The following PLEKHO2 variants were observed in gnomAD, a reference collection of about 807,000 sequenced individuals.
The protein encoded by PLEKHO2 is pleckstrin homology domain-containing family O member 2.
In PLEKHO2, 20 loss-of-function variants were observed where a neutral mutation model predicts 32.7. The observed-to-expected ratio is 0.61, with a 90% CI of 0.43 to 0.89. PLEKHO2 has a LOEUF of 0.89. Among genes scored for constraint, PLEKHO2 ranks in the 40% least tolerant of loss-of-function variants. The probability of loss-of-function intolerance (pLI) is 0.00; values close to 1 mark genes in which losing one functional copy is unlikely to be tolerated. For synonymous variants in PLEKHO2, 247 were observed against 246.3 expected (o/e 1.00, Z -0.03); for missense variants, 568 against 621.2 (o/e 0.91, Z 0.91).
chr15:64,862,016 G>C (rs1205339602), intron 5 of PLEKHO2, among the ~76,000 whole-genome samples: 4 of 152,178 alleles, frequency 2.6e-5, no homozygotes. Context: ...GCTGACCCTT[G>C]AAGGATGGGA....
Position 64,866,208 on chromosome 15 carries a change from A to T in PLEKHO2, c.*320A>T. On this transcript the variant is annotated 3_prime_UTR_variant, in exon 6 of 6. Coordinates refer to ENST00000323544, the MANE Select transcript of PLEKHO2 (RefSeq NM_025201.5). The stretch of plus-strand genomic sequence containing the variant: ...ACTGCCCCAGGGCTTTGGGGGCGGC[A>T]CTTGGGGTTTCTGGGAATGACATCA... 1 of 484,450 alleles carries T rather than the reference A, an allele frequency of 2.1e-6. No homozygotes were observed. The highest frequency in any genetic ancestry group is 3.9e-6 in the Non-Finnish European group (1 of 254,914). The allele number at this position is 484,450 out of a possible 1,614,324, so 30.0% of individuals were successfully genotyped here.
At chr15:64,855,500 C>G (rs929717194) in intron 3 of PLEKHO2, among the ~76,000 whole-genome samples, 1 of 152,144 alleles carries the variant, frequency 6.6e-6, no homozygotes, top group African/African-American at 2.4e-5. Context: ...GTGGGTGGGC[C>G]CACCCTGGAC....
At position 64,841,942 on chromosome 15, in the gene PLEKHO2, G is replaced by A. The variant is rs1335393690; in HGVS notation, c.-75G>A. 4 of 1,232,652 alleles carry A rather than the reference G, an allele frequency of 3.2e-6. No individual in the cohort carries two copies. The highest frequency in any genetic ancestry group is 4.1e-6 in the Non-Finnish European group (4 of 986,108). The allele number at this position is 1,232,652 out of a possible 1,614,324, so 76.4% of individuals were successfully genotyped here. Reference sequence around the variant, plus strand: ...AACGCGGAGAGTCGCCGCCTGGCCGGGCGTAGACGCGGTGGCAGAGCCCGC... The same window carrying A: ...AACGCGGAGAGTCGCCGCCTGGCCGAGCGTAGACGCGGTGGCAGAGCCCGC... On this transcript the variant is annotated 5_prime_UTR_variant, in exon 1 of 6. Transcript: ENST00000323544.
At chr15:64,846,330 G>A (rs190459009) in intron 1 of PLEKHO2, among the ~76,000 whole-genome samples, 36 of 148,450 alleles carry the variant, frequency 2.4e-4, no homozygotes, top group East Asian at 2.0e-4. Context: ...TTTTTTTTTC[G>A]GAGACAGGGC....
At position 64,849,530 on chromosome 15, in the gene PLEKHO2, G is replaced by A. The variant is rs1481720939; in HGVS notation, c.162+788G>A. Among the ~76,000 whole-genome samples the A allele has an allele frequency of 2.7e-5, 4 of 148,542 alleles. No individual in the cohort carries two copies. In the East Asian group the frequency reaches 6.1e-4, roughly 23 times the overall value. Reference sequence around the variant, plus strand: ...ACGATCTCAGCTCACTGCAACTGCCGCCTCCCAGGTTCAAACAATTCTCCT... The same window carrying A: ...ACGATCTCAGCTCACTGCAACTGCCACCTCCCAGGTTCAAACAATTCTCCT... On this transcript the variant is annotated intron_variant, in intron 2 of 5. Transcript: ENST00000323544.
rs577341428 is a variant in PLEKHO2, at chr15:64,863,928, A to G, written c.484-971A>G. Among the ~76,000 whole-genome samples the G allele has an allele frequency of 5.1e-3, 778 of 152,218 alleles. 4 individuals are homozygous for G. Among genetic ancestry groups the G allele is most frequent in the Non-Finnish European group, 7.9e-3 (535 of 68,008 alleles). The stretch of plus-strand genomic sequence containing the variant: ...CTGGCTAATTTTGTATTTTTAGTAG[A>G]GACGGGGTTTCTCCATGTTGCTCAG... On this transcript the variant is annotated intron_variant, in intron 5 of 5. Transcript: ENST00000323544.
In PLEKHO2 at chr15:64,866,534, C is replaced by CT; in HGVS notation, c.*652dup. ...GCCTCTCTCTCTTTGGCCCTGTTTC[C>CT]TTTTTTGCAAAACAAGGACATTTTC... is the stretch of plus-strand genomic sequence containing the variant. On this transcript the variant is annotated 3_prime_UTR_variant, in exon 6 of 6. Transcript: ENST00000323544. 5.4e-6 allele frequency: 2 copies of CT among 373,306 alleles called. No individual in the cohort carries two copies. The highest frequency in any genetic ancestry group is 6.9e-5 in the Admixed American group (2 of 29,048). The allele number at this position is 373,306 out of a possible 1,614,324, so 23.1% of individuals were successfully genotyped here.
At chr15:64,843,691 C>T (rs1041579579) in intron 1 of PLEKHO2, among the ~76,000 whole-genome samples, 4 of 151,934 alleles carry the variant, frequency 2.6e-5, no homozygotes, top group Non-Finnish European at 5.9e-5. Flanking sequence ...AGCAATTCTC[C>T]TGCCTCAGCC....
chr15:64,850,574 T>C (rs1027417047), intron 2 of PLEKHO2, among the ~76,000 whole-genome samples: 1 of 152,172 alleles, frequency 6.6e-6, no homozygotes, highest in Non-Finnish European at 1.5e-5. Flanking sequence ...GCAGATTGCC[T>C]CTCTGTTTTG....
intron 1 of PLEKHO2, among the ~76,000 whole-genome samples, chr15:64,844,359 C>G (rs1477763479): frequency 6.6e-6 from 1 of 152,318 alleles, no homozygotes; most frequent in African/African-American, 2.4e-5. Flanking sequence ...CTCCTGGCCT[C>G]GGTTCCTCCT....
chr15:64,862,992 T>G (rs2084653894), intron 5 of PLEKHO2, among the ~76,000 whole-genome samples: 1 of 141,764 alleles, frequency 7.1e-6, no homozygotes, highest in Non-Finnish European at 1.5e-5. Flanking sequence ...CAGGCTGGAG[T>G]GCAGGGTGCA....
rs772570561 is a variant in PLEKHO2, at chr15:64,861,556, C to G, written c.464C>G (p.Thr155Arg). 26 of 1,605,670 alleles carry G rather than the reference C, an allele frequency of 1.6e-5. No homozygotes were observed. Among genetic ancestry groups the G allele is most frequent in the Non-Finnish European group, 2.2e-5 (26 of 1,176,926 alleles). Residue 155 changes from threonine to arginine, a missense_variant, in exon 5 of 6, where the codon ACG (threonine) becomes AGG (arginine). Coordinates refer to ENST00000323544, the MANE Select transcript of PLEKHO2 (RefSeq NM_025201.5). ...VRGGQRRRPP[T>R]RVHLKEVASA... ...GGGGGCCAGCGACGCCGGCCACCAA[C>G]GAGAGTCCACCTGAAGGAGGTAGGG...
Position 64,866,411 on chromosome 15 carries a change from C to T in PLEKHO2, c.*523C>T, listed in dbSNP as rs2084687893. Reference sequence around the variant, plus strand: ...TAGCTGCAGAGGCCTTGGGTCCAGGCTCTAGGTTCATCCCTCAGTTGGGGG... The same window carrying T: ...TAGCTGCAGAGGCCTTGGGTCCAGGTTCTAGGTTCATCCCTCAGTTGGGGG... On this transcript the variant is annotated 3_prime_UTR_variant, in exon 6 of 6. Coordinates refer to ENST00000323544, the MANE Select transcript of PLEKHO2 (RefSeq NM_025201.5). 2.2e-6 allele frequency: 1 copy of T among 456,222 alleles called. No individual in the cohort carries two copies. The highest frequency in any genetic ancestry group is 2.0e-5 in the African/African-American group (1 of 50,102). The allele number at this position is 456,222 out of a possible 1,614,324, so 28.3% of individuals were successfully genotyped here.
chr15:64,866,266 C>T lies in PLEKHO2; in HGVS notation c.*378C>T. ...TCCCCATCCCCAGTAGTTTACATTC[C>T]TGACTTCTGAATACAGCACAGCTGA... On this transcript the variant is annotated 3_prime_UTR_variant, in exon 6 of 6. Coordinates refer to ENST00000323544, the MANE Select transcript of PLEKHO2 (RefSeq NM_025201.5). The T allele has an allele frequency of 2.2e-6, 1 of 455,728 alleles. No homozygotes were observed. Among genetic ancestry groups the T allele is most frequent in the Non-Finnish European group, 4.4e-6 (1 of 227,694 alleles). 28.2% of individuals were successfully genotyped at this position (455,728 alleles called of 1,614,324 possible). A position where few individuals can be genotyped will look rare whatever the true frequency, so the allele number is the denominator to read the frequency against.
intron 1 of PLEKHO2, among the ~76,000 whole-genome samples, chr15:64,848,144 T>C (rs1406703056): frequency 6.6e-6 from 1 of 152,216 alleles, no homozygotes; most frequent in East Asian, 1.9e-4. Context: ...AAGCACTCAG[T>C]ACATTTGTTG....
chr15:64,859,744 T>TTCCCTTTCCTG (rs2084629926), intron 3 of PLEKHO2, 150 bp from the exon 4 acceptor site: 11 of 689,232 alleles, frequency 1.6e-5, no homozygotes, highest in Middle Eastern at 2.5e-4. Flanking sequence ...TGTGAGATCT[T>TTCCCTTTCCTG]TCCCTTTCCT....
intron 2 of PLEKHO2, among the ~76,000 whole-genome samples, chr15:64,849,629 G>A (rs774639757): frequency 4.0e-5 from 6 of 151,004 alleles, no homozygotes; most frequent in Non-Finnish European, 7.4e-5. Context: ...TTTTAGTAGA[G>A]ACAGGGTTTC....
rs1304821265 is a variant in PLEKHO2, at chr15:64,848,706, C to T, written c.126C>T (p.Leu42=). ...GTTTCTGGAAAGACCGATATCTGCT[C>T]CTCTGCCAGGCCCAGCTGCTGGTCT... is the stretch of plus-strand genomic sequence containing the variant. ...LLGFWKDRYL[L]LCQAQLLVYE... Residue 42 remains leucine (L), a synonymous_variant, in exon 2 of 6, where the codon CTC becomes CTT. Transcript: ENST00000323544. The T allele has an allele frequency of 1.9e-6, 3 of 1,614,190 alleles. No individual in the cohort carries two copies. The highest frequency in any genetic ancestry group is 1.1e-5 in the South Asian group (1 of 91,086).
chr15:64,852,872 G>T (rs2084578441), intron 2 of PLEKHO2, among the ~76,000 whole-genome samples: 1 of 152,060 alleles, frequency 6.6e-6, no homozygotes, highest in Non-Finnish European at 1.5e-5. Context: ...TCCAGGCCAG[G>T]CTTGGTGGCT....
Sources: gnomAD v4.1 joint callset for allele counts (sites outside exome capture counted in the v4.1 genomes callset) on GRCh38, gnomAD v4.1.1 for gene constraint, MANE v1.5 for transcripts, NCBI Gene and HGNC (gene_info 2026-07-23, HGNC 2026-07-21) for gene names.